The following ZNF423 variants were observed in gnomAD, a reference collection of about 807,000 sequenced individuals.
ZNF423 encodes the protein Ebf-associated zinc finger protein.
In ZNF423, 12 loss-of-function variants were observed where a neutral mutation model predicts 95.8. The ratio of observed to expected loss-of-function variants is 0.13; its 90% CI spans 0.08 to 0.20. ZNF423 has a LOEUF of 0.20. Among genes scored for constraint, ZNF423 ranks in the 10% least tolerant of loss-of-function variants. ZNF423 has a pLI of 1.00. For missense variants in ZNF423, 1,316 were observed against 1,737.1 expected (o/e 0.76, Z 4.31); for synonymous variants, 749 against 711.9 (o/e 1.05, Z -0.83).
intron 1 of ZNF423, among the ~76,000 whole-genome samples, chr16:49,823,982 C>T (rs1340891972): frequency 6.6e-6 from 1 of 152,088 alleles, no homozygotes; most frequent in East Asian, 1.9e-4. Flanking sequence ...GCTCAGGAGG[C>T]TGTGGGAAGA....
intron 1 of ZNF423, among the ~76,000 whole-genome samples, chr16:49,805,922 T>C (rs2034655860): frequency 6.6e-6 from 1 of 152,244 alleles, no homozygotes; most frequent in African/African-American, 2.4e-5. Flanking sequence ...AGGGTTGCAA[T>C]GTGTGCGGAA....
rs113742300 is a variant in ZNF423, at chr16:49,603,537, G to A, written c.3601+22633C>T. Among the ~76,000 whole-genome samples, 4,133 of 152,220 alleles carry A rather than the reference G, an allele frequency of 0.027. 95 individuals carry two copies. Among genetic ancestry groups the A allele is most frequent in the Non-Finnish European group, 0.044 (3,004 of 67,992 alleles). On this transcript the variant is annotated intron_variant, in intron 5 of 7. Transcript: ENST00000563137. This position sits in a 1 kb window ranked among gnomAD's most constrained non-coding sequence, Gnocchi z 4.1. ...TGATTCTCCTGCCTCAGCCTCCAGA[G>A]TAGCTGGGATTACAGGCGCCCGCCA...
intron 5 of ZNF423, among the ~76,000 whole-genome samples, chr16:49,613,206 T>G (rs1971780265): frequency 6.6e-6 from 1 of 152,182 alleles, no homozygotes; most frequent in African/African-American, 2.4e-5. Flanking sequence ...CAAAAAGAGC[T>G]AGATAGCAAC....
intron 5 of ZNF423, among the ~76,000 whole-genome samples, chr16:49,583,760 A>C (rs1277565244): frequency 1.3e-5 from 2 of 152,260 alleles, no homozygotes; most frequent in African/African-American, 4.8e-5. Context: ...TCAATAAAAT[A>C]TATTGATCAG....
chr16:49,805,170 C>G (rs575292864), intron 1 of ZNF423, among the ~76,000 whole-genome samples: 16 of 152,148 alleles, frequency 1.1e-4, no homozygotes, highest in Non-Finnish European at 2.1e-4. Flanking sequence ...CAAGATCCCA[C>G]AGCATTATAT....
chr16:49,715,854 A>G (rs1596908244), intron 3 of ZNF423, among the ~76,000 whole-genome samples: 1 of 151,928 alleles, frequency 6.6e-6, no homozygotes, highest in East Asian at 1.9e-4. Context: ...CCTGGGCAGC[A>G]TAGAGAGACC....
At chr16:49,619,313 G>A (rs534486854) in intron 5 of ZNF423, among the ~76,000 whole-genome samples, 1 of 152,300 alleles carries the variant, frequency 6.6e-6, no homozygotes, top group Admixed American at 6.5e-5. Context: ...ATGAAGGTAT[G>A]AGGTTACTAC....
intron 3 of ZNF423, among the ~76,000 whole-genome samples, chr16:49,670,798 C>A (rs143492744): frequency 1.3e-5 from 2 of 152,218 alleles, no homozygotes; most frequent in African/African-American, 4.8e-5. Flanking sequence ...ACAACCCAAT[C>A]GCAAAGATAA....
intron 1 of ZNF423, among the ~76,000 whole-genome samples, chr16:49,809,810 C>T (rs1213421276): frequency 6.6e-6 from 1 of 152,182 alleles, no homozygotes; most frequent in African/African-American, 2.4e-5. Context: ...GAAACAAAGA[C>T]ACCAGGGGGT....
chr16:49,585,446 C>T (rs1301033870), intron 5 of ZNF423, among the ~76,000 whole-genome samples: 1 of 152,190 alleles, frequency 6.6e-6, no homozygotes, highest in Non-Finnish European at 1.5e-5. Context: ...GCCATTGTTA[C>T]ACAGGCCTCG....
intron 2 of ZNF423, among the ~76,000 whole-genome samples, chr16:49,765,077 C>T (rs1054857665): frequency 4.6e-5 from 7 of 152,052 alleles, no homozygotes; most frequent in Non-Finnish European, 8.8e-5. Context: ...TTTCTTCCTG[C>T]AACCCCATTC....
chr16:49,567,762 A>G (rs1292383966), intron 5 of ZNF423, among the ~76,000 whole-genome samples: 2 of 152,178 alleles, frequency 1.3e-5, no homozygotes, highest in Admixed American at 6.5e-5. Flanking sequence ...AGGTGTGGCC[A>G]TTCCTTGGCC....
intron 5 of ZNF423, among the ~76,000 whole-genome samples, chr16:49,562,802 T>G (rs1970060596): frequency 6.6e-6 from 1 of 152,076 alleles, no homozygotes; most frequent in Admixed American, 6.6e-5. Context: ...TTTTTTGAGA[T>G]GGAGTCTTGC....
Position 49,807,917 on chromosome 16 carries a change from A to T in ZNF423, c.41-18371T>A, listed in dbSNP as rs188744913. Among the ~76,000 whole-genome samples the T allele has an allele frequency of 1.1e-4, 17 of 152,320 alleles. No individual in the cohort carries two copies. The East Asian group carries it at 3.3e-3, about 29-fold the overall frequency. ...CCCAGACAACTCCTGCCAGGAGGACACACCTCTGGCACTCAGAGTCACGGG... is the reference window on the plus strand; with the variant it reads ...CCCAGACAACTCCTGCCAGGAGGACTCACCTCTGGCACTCAGAGTCACGGG... On this transcript the variant is annotated intron_variant, in intron 1 of 7. Coordinates refer to ENST00000563137, the MANE Select transcript of ZNF423 (RefSeq NM_001379286.1).
rs559751443 is a variant in ZNF423, at chr16:49,830,663, G to A, written c.40+25072C>T. Among the ~76,000 whole-genome samples, 16 of 152,190 alleles carry A rather than the reference G, an allele frequency of 1.1e-4. No individual in the cohort carries two copies. In the South Asian group the frequency reaches 2.5e-3, roughly 24 times the overall value. ...CCTGGTCTTTGGACACTGATGTGTC[G>A]GGGGGTGATGTCTGGCACCACAGCA... On this transcript the variant is annotated intron_variant, in intron 1 of 7. Coordinates refer to ENST00000563137, the MANE Select transcript of ZNF423 (RefSeq NM_001379286.1).
intron 5 of ZNF423, among the ~76,000 whole-genome samples, chr16:49,535,207 T>C (rs548757768): frequency 1.3e-5 from 2 of 152,202 alleles, no homozygotes; most frequent in African/African-American, 4.8e-5. Flanking sequence ...GGATTACCAG[T>C]GGAGGCTCCT....
intron 3 of ZNF423, among the ~76,000 whole-genome samples, chr16:49,660,832 G>GT (rs2030177711): frequency 6.6e-6 from 1 of 151,402 alleles, no homozygotes; most frequent in Non-Finnish European, 1.5e-5. Flanking sequence ...GGGGCAGGGT[G>GT]TGGGGGGATG....
chr16:49,716,019 A>G (rs8054396), intron 3 of ZNF423, among the ~76,000 whole-genome samples: 2,900 of 152,028 alleles, frequency 0.019, 109 homozygotes, highest in African/African-American at 0.066. Flanking sequence ...CAGGAGGAGG[A>G]GAAGCCGCAA....
At chr16:49,839,478 G>C (rs767623752) in intron 1 of ZNF423, among the ~76,000 whole-genome samples, 3 of 152,188 alleles carry the variant, frequency 2.0e-5, no homozygotes, top group Non-Finnish European at 2.9e-5. Flanking sequence ...GAGTTCTGCC[G>C]GGTGGCGCTC....
Sources: allele counts gnomAD v4.1 joint callset (sites outside exome capture counted in the v4.1 genomes callset), GRCh38; gene constraint gnomAD v4.1.1; non-coding constraint Gnocchi (gnomAD v3.1); transcripts MANE v1.5; gene names NCBI Gene and HGNC (gene_info 2026-07-23, HGNC 2026-07-21).